ETV6: variants seen among roughly 807,000 people sequenced by gnomAD.
ETV6 encodes ETS variant transcription factor 6, also known as transcription factor ETV6.
In ETV6, 16 loss-of-function variants were observed where a neutral mutation model predicts 51.1. That is an observed-to-expected ratio of 0.31 (90% CI 0.21 to 0.48). The LOEUF (loss-of-function observed/expected upper bound fraction) is 0.48, where lower values mean the gene tolerates loss of function less well. Ranked by LOEUF, ETV6 falls within the 20% of genes least tolerant of loss-of-function variation. ETV6 has a pLI of 0.99. For missense variants in ETV6, 458 were observed against 594.8 expected (o/e 0.77, Z 2.39); for synonymous variants, 240 against 224.1 (o/e 1.07, Z -0.64).
intron 1 of ETV6, among the ~76,000 whole-genome samples, chr12:11,705,237 G>A (rs760963844): frequency 7.2e-5 from 11 of 152,196 alleles, no homozygotes; most frequent in Non-Finnish European, 1.5e-4. Context: ...AAGTGGGCCG[G>A]TGCTCAAACA....
At chr12:11,765,339 C>T (rs765222677) in intron 2 of ETV6, among the ~76,000 whole-genome samples, 1 of 152,160 alleles carries the variant, frequency 6.6e-6, no homozygotes, top group African/African-American at 2.4e-5. Flanking sequence ...AAATCCAGGG[C>T]CGTCTTAGAT....
chr12:11,710,945 T>C lies in ETV6; in HGVS notation c.34-41505T>C, dbSNP rs372402402. 1.4e-4 allele frequency among the ~76,000 whole-genome samples: 21 copies of C among 152,276 alleles called. No homozygotes were observed. The East Asian group carries it at 2.9e-3, about 21-fold the overall frequency. On this transcript the variant is annotated intron_variant, in intron 1 of 7. Transcript: ENST00000396373. ...ATCCTGGAGGCTGCAGGATAGCCCA[T>C]TGAGACTAAGTGGAGACCAGGCATC...
chr12:11,883,960 T>A (rs573254829), intron 5 of ETV6, among the ~76,000 whole-genome samples: 1 of 152,324 alleles, frequency 6.6e-6, no homozygotes, highest in Non-Finnish European at 1.5e-5. Flanking sequence ...AGCCTTCTCA[T>A]CTTTATCCAT....
At position 11,892,210 on chromosome 12, in the gene ETV6, A is replaced by ATTTT. The variant is rs35812814; in HGVS notation, c.*1184_*1187dup. ...GTGGTCAGTTTCATGCCCTCACCTG[A>ATTTT]TTTTTTTTTTTTTTTTTTTTTTTCA... On this transcript the variant is annotated 3_prime_UTR_variant, in exon 8 of 8. Transcript: ENST00000396373. 5.4e-4 allele frequency: 83 copies of ATTTT among 153,530 alleles called. 1 individual carries two copies. The highest frequency in any genetic ancestry group is 6.1e-4 in the African/African-American group (15 of 24,392). The allele number at this position is 153,530 out of a possible 1,614,324, so 9.5% of individuals were successfully genotyped here.
intron 3 of ETV6, among the ~76,000 whole-genome samples, chr12:11,846,447 T>G (rs1946465796): frequency 6.6e-6 from 1 of 152,206 alleles, no homozygotes; most frequent in African/African-American, 2.4e-5. Context: ...CAAAACCCCC[T>G]GGGAGAGGCT....
intron 5 of ETV6, among the ~76,000 whole-genome samples, chr12:11,878,677 A>C (rs1406769786): frequency 6.6e-6 from 1 of 151,994 alleles, no homozygotes; most frequent in Admixed American, 6.6e-5. Context: ...CACCGTGCAC[A>C]TATGTTTTCT....
intron 1 of ETV6, among the ~76,000 whole-genome samples, chr12:11,711,729 T>C (rs905830758): frequency 6.6e-6 from 1 of 152,236 alleles, no homozygotes; most frequent in Non-Finnish European, 1.5e-5. Context: ...TCTTAATGAC[T>C]GTAAAATGAA....
At chr12:11,686,429 C>T (rs763469280) in intron 1 of ETV6, among the ~76,000 whole-genome samples, 2 of 152,214 alleles carry the variant, frequency 1.3e-5, no homozygotes, top group Non-Finnish European at 2.9e-5. Flanking sequence ...CTTTCATGAG[C>T]TTTCATGCCC....
chr12:11,833,369 GAC>G (rs1297853435), intron 2 of ETV6, among the ~76,000 whole-genome samples: 1 of 152,182 alleles, frequency 6.6e-6, no homozygotes. Flanking sequence ...ACACCAGCAA[GAC>G]ACAGAGAGGT....
chr12:11,876,784 C>G (rs1473563935), intron 5 of ETV6, among the ~76,000 whole-genome samples: 1 of 152,144 alleles, frequency 6.6e-6, no homozygotes, highest in African/African-American at 2.4e-5. Context: ...TGAACATGAA[C>G]TTCTCGATTT....
chr12:11,667,547 T>C (rs1012436703), intron 1 of ETV6, among the ~76,000 whole-genome samples: 13 of 151,888 alleles, frequency 8.6e-5, no homozygotes, highest in African/African-American at 3.1e-4. Flanking sequence ...CTTTTTTTTT[T>C]TTTTAAATGG....
intron 2 of ETV6, among the ~76,000 whole-genome samples, chr12:11,784,415 C>T (rs1945452424): frequency 6.7e-6 from 1 of 148,448 alleles, no homozygotes; most frequent in African/African-American, 2.5e-5. Context: ...GCCGAGATCA[C>T]GCCACTGCAC....
intron 5 of ETV6, among the ~76,000 whole-genome samples, chr12:11,883,228 C>T (rs1027172102): frequency 1.4e-5 from 2 of 146,474 alleles, no homozygotes; most frequent in Admixed American, 6.9e-5. Flanking sequence ...TCACAGCACA[C>T]ATCCAGAAAG....
intron 2 of ETV6, among the ~76,000 whole-genome samples, chr12:11,829,400 A>C (rs1946208495): frequency 6.6e-6 from 1 of 152,208 alleles, no homozygotes; most frequent in Admixed American, 6.5e-5. Context: ...CCGCTGGAGA[A>C]ACAGATTCAG....
chr12:11,650,109 ATC>A lies in ETV6; in HGVS notation c.-12_-11del. 1.2e-6 allele frequency: 2 copies of A among 1,613,104 alleles called. No homozygotes were observed. Among genetic ancestry groups the A allele is most frequent in the Non-Finnish European group, 1.7e-6 (2 of 1,179,222 alleles). Reference sequence around the variant, plus strand: ...GTGGAAAAAACCTGAGAACTTCCTGATCTCTCTCGCTGTGAGACATGTCTGAG... The same window carrying A: ...GTGGAAAAAACCTGAGAACTTCCTGATCTCTCGCTGTGAGACATGTCTGAG... On this transcript the variant is annotated 5_prime_UTR_variant, in exon 1 of 8. Transcript: ENST00000396373.
chr12:11,686,382 A>G (rs1397964667), intron 1 of ETV6, among the ~76,000 whole-genome samples: 5 of 152,180 alleles, frequency 3.3e-5, no homozygotes, highest in African/African-American at 1.2e-4. Context: ...GAAGTAGGAA[A>G]TTACTGTTTA....
chr12:11,853,120 G>T (rs935424463), intron 3 of ETV6, among the ~76,000 whole-genome samples: 9 of 152,222 alleles, frequency 5.9e-5, no homozygotes, highest in Admixed American at 2.6e-4. Flanking sequence ...CTGGGAGGTG[G>T]AGGTTGTAGT....
intron 2 of ETV6, among the ~76,000 whole-genome samples, chr12:11,758,698 T>C (rs1565514692): frequency 6.6e-6 from 1 of 152,196 alleles, no homozygotes; most frequent in South Asian, 2.1e-4. Context: ...TGTCCTTTGC[T>C]ATCACATCAG....
intron 5 of ETV6, among the ~76,000 whole-genome samples, chr12:11,883,443 G>A (rs12811329): frequency 3.3e-5 from 5 of 151,742 alleles, no homozygotes; most frequent in East Asian, 1.9e-4. Context: ...ACAGGCACAC[G>A]CCACCATGCC....
Sources: allele counts gnomAD v4.1 joint callset (sites outside exome capture counted in the v4.1 genomes callset), GRCh38; gene constraint gnomAD v4.1.1; transcripts MANE v1.5; gene names NCBI Gene and HGNC (gene_info 2026-07-23, HGNC 2026-07-21).